The following MGMT variants were observed in gnomAD, a reference collection of about 807,000 sequenced individuals.
MGMT encodes the protein O-6-methylguanine-DNA methyltransferase.
MGMT carries 14 observed loss-of-function variants against 15.9 expected under a neutral mutation model. The ratio of observed to expected loss-of-function variants is 0.88; its 90% confidence interval spans 0.58 to 1.37. MGMT has a LOEUF of 1.37. Ranked by LOEUF, MGMT falls within the 40% of genes most tolerant of loss-of-function variation. MGMT has a pLI of 0.00. For synonymous variants in MGMT, 130 were observed against 118.2 expected (o/e 1.10, Z -0.65); for missense variants, 282 against 268.1 (o/e 1.05, Z -0.36).
At chr10:129,527,870 C>G (rs994432162) in intron 1 of MGMT, among the ~76,000 whole-genome samples, 14 of 152,104 alleles carry the variant, frequency 9.2e-5, no homozygotes, top group African/African-American at 2.7e-4. Context: ...CCTTCTGCTC[C>G]TTAATGCTCT....
intron 1 of MGMT, among the ~76,000 whole-genome samples, chr10:129,527,303 C>G (rs1845881615): frequency 6.6e-6 from 1 of 151,982 alleles, no homozygotes; most frequent in South Asian, 2.1e-4. Flanking sequence ...TTTGGAGCCC[C>G]CCTTAGGACC....
At chr10:129,736,964 C>A (rs1376158519) in intron 3 of MGMT, among the ~76,000 whole-genome samples, 2 of 152,150 alleles carry the variant, frequency 1.3e-5, no homozygotes, top group Non-Finnish European at 2.9e-5. Context: ...TGAGGGTAAC[C>A]CGACCTTTCT....
intron 1 of MGMT, among the ~76,000 whole-genome samples, chr10:129,496,506 A>G (rs757506162): frequency 7.2e-5 from 11 of 152,154 alleles, no homozygotes; most frequent in Non-Finnish European, 1.6e-4. Flanking sequence ...GCTTCCATAT[A>G]AAAATGTCTA....
intron 3 of MGMT, among the ~76,000 whole-genome samples, chr10:129,752,748 A>G (rs1848763242): frequency 6.6e-6 from 1 of 152,078 alleles, no homozygotes; most frequent in Admixed American, 6.5e-5. Context: ...CTCTCCCATT[A>G]TGTTATAATA....
At chr10:129,706,054 G>A (rs568284746) in intron 2 of MGMT, among the ~76,000 whole-genome samples, 1 of 152,336 alleles carries the variant, frequency 6.6e-6, no homozygotes, top group African/African-American at 2.4e-5. Flanking sequence ...CAGGGCAGCT[G>A]CGGTGCCTTC....
rs1007270763 is a variant in MGMT at position 129,467,507 on chromosome 10, C to T, written c.-13+211C>T. The T allele has an allele frequency of 1.3e-5, 11 of 864,768 alleles. No individual in the cohort carries two copies. In the African/African-American group the frequency reaches 2.0e-4, roughly 16 times the overall value. The allele number at this position is 864,768 out of a possible 1,614,324, so 53.6% of individuals were successfully genotyped here. ...CCGGGCCTGGGGTTCCTGGACTAGG[C>T]TGCGCTGCAGTGACTGTGGACTGGC... On this transcript the variant is annotated intron_variant, in intron 1 of 4. Coordinates refer to ENST00000651593, the MANE Select transcript of MGMT (RefSeq NM_002412.5).
At chr10:129,586,779 A>G (rs1018838616) in intron 2 of MGMT, among the ~76,000 whole-genome samples, 6 of 152,204 alleles carry the variant, frequency 3.9e-5, no homozygotes, top group Admixed American at 2.0e-4. Context: ...ATGGGTGTTT[A>G]GCATTTTAAA....
chr10:129,468,082 A>G lies in MGMT; in HGVS notation c.-13+786A>G, dbSNP rs186628290. ...CTTGGTCCAGAGAGCTGTTCTCAGT[A>G]GAATGTTAAGCACAGAGAGCTGAGA... On this transcript the variant is annotated intron_variant, in intron 1 of 4. Coordinates refer to ENST00000651593, the MANE Select transcript of MGMT (RefSeq NM_002412.5). Among the ~76,000 whole-genome samples the G allele has an allele frequency of 7.9e-3, 1,001 of 126,858 alleles. 11 individuals carry two copies. The highest frequency in any genetic ancestry group is 0.031 in the African/African-American group (908 of 29,472). The allele number at this position is 126,858 out of a possible 152,430, so 83.2% of individuals were successfully genotyped here. A position where few individuals can be genotyped will look rare whatever the true frequency, so the allele number is the denominator to read the frequency against.
chr10:129,478,472 G>A (rs56260109), intron 1 of MGMT, among the ~76,000 whole-genome samples: 5,673 of 152,302 alleles, frequency 0.037, 156 homozygotes, highest in South Asian at 0.063. Flanking sequence ...TGGCTTATGT[G>A]GCTACTGATG....
intron 2 of MGMT, among the ~76,000 whole-genome samples, chr10:129,669,345 T>C (rs1179623753): frequency 1.3e-5 from 2 of 152,192 alleles, no homozygotes; most frequent in Admixed American, 6.5e-5. Flanking sequence ...TTTCCTTTTT[T>C]TCCTGATCTT....
At chr10:129,729,662 G>A (rs574933053) in intron 3 of MGMT, among the ~76,000 whole-genome samples, 8 of 152,296 alleles carry the variant, frequency 5.3e-5, no homozygotes, top group African/African-American at 1.4e-4. Flanking sequence ...CCTTTTGCCC[G>A]TCCTTCTGAC....
At chr10:129,645,673 C>T (rs1009331210) in intron 2 of MGMT, among the ~76,000 whole-genome samples, 2 of 152,208 alleles carry the variant, frequency 1.3e-5, no homozygotes, top group East Asian at 1.9e-4. Flanking sequence ...GTCTCCAATC[C>T]GGACTCAGCA....
Position 129,497,785 on chromosome 10 carries a change from C to T in MGMT, c.-13+30489C>T, listed in dbSNP as rs374711078. Among the ~76,000 whole-genome samples, 444 of 152,222 alleles carry T rather than the reference C, an allele frequency of 2.9e-3. 3 individuals carry two copies. The highest frequency in any genetic ancestry group is 6.8e-3 in the Middle Eastern group (2 of 294). On this transcript the variant is annotated intron_variant, in intron 1 of 4. Coordinates refer to ENST00000651593, the MANE Select transcript of MGMT (RefSeq NM_002412.5). ...GAGCCCTCAGAATGGGATTAGTGTG[C>T]CTATAAAAGAGGACTGAGGGAGCTC...
At chr10:129,638,441 A>AG (rs914048346) in intron 2 of MGMT, among the ~76,000 whole-genome samples, 4 of 121,458 alleles carry the variant, frequency 3.3e-5, no homozygotes, top group African/African-American at 1.1e-4. Context: ...AAAAAAAAAA[A>AG]AAAAGAAAAA....
At chr10:129,509,596 A>G (rs1355766951) in intron 1 of MGMT, among the ~76,000 whole-genome samples, 1 of 152,230 alleles carries the variant, frequency 6.6e-6, no homozygotes, top group Non-Finnish European at 1.5e-5. Flanking sequence ...CTACTCTAGG[A>G]TGACTAAGAA....
At chr10:129,743,210 C>G (rs971757798) in intron 3 of MGMT, among the ~76,000 whole-genome samples, 1 of 152,242 alleles carries the variant, frequency 6.6e-6, no homozygotes, top group Admixed American at 6.5e-5. Context: ...CCACCTGTCA[C>G]TTCCACTCTG....
intron 2 of MGMT, among the ~76,000 whole-genome samples, chr10:129,697,658 T>C (rs1050643976): frequency 2.0e-5 from 3 of 152,184 alleles, no homozygotes; most frequent in Admixed American, 2.0e-4. Flanking sequence ...CAGAGTGCAT[T>C]GATCCTCAAC....
chr10:129,563,441 G>A (rs1846303551), intron 2 of MGMT, among the ~76,000 whole-genome samples: 2 of 152,096 alleles, frequency 1.3e-5, no homozygotes, highest in South Asian at 4.1e-4. Context: ...TGTGACCTCA[G>A]TTACCACTTT....
At chr10:129,719,819 G>C (rs910809705) in intron 3 of MGMT, among the ~76,000 whole-genome samples, 4 of 152,312 alleles carry the variant, frequency 2.6e-5, no homozygotes, top group Non-Finnish European at 4.4e-5. Flanking sequence ...CTGATTATCT[G>C]TCTGTAAAGT....
Sources: allele counts gnomAD v4.1 joint callset (sites outside exome capture counted in the v4.1 genomes callset), GRCh38; gene constraint gnomAD v4.1.1; transcripts MANE v1.5; gene names NCBI Gene and HGNC (gene_info 2026-07-23, HGNC 2026-07-21).